COL5A2: variants seen among roughly 807,000 people sequenced by gnomAD.
The protein encoded by COL5A2 is collagen type V alpha 2 chain, also known as collagen alpha-2(V) chain.
Under a neutral mutation model 208.2 loss-of-function variants are expected in COL5A2, and 23 were observed. The ratio of observed to expected loss-of-function variants is 0.11; its 90% CI spans 0.08 to 0.16. The LOEUF is 0.16. Among genes scored for constraint, COL5A2 ranks in the 10% least tolerant of loss-of-function variants. The pLI is 1.00. For missense variants in COL5A2, 1,590 were observed against 1,956.4 expected (o/e 0.81, Z 3.53); for synonymous variants, 625 against 628.5 (o/e 0.99, Z 0.08).
chr2:189,077,847 G>A (rs1323170818), intron 16 of COL5A2, among the ~76,000 whole-genome samples: 1 of 152,120 alleles, frequency 6.6e-6, no homozygotes, highest in Non-Finnish European at 1.5e-5. Context: ...TGAAATAATA[G>A]AGGAAAGGTG....
chr2:189,354,274 T>G, the COL5A2 span, among the ~76,000 whole-genome samples: 4 of 152,214 alleles, frequency 2.6e-5, no homozygotes, highest in African/African-American at 9.7e-5. Flanking sequence ...GGTTTTGCTA[T>G]TAGGATAATG....
intron 1 of COL5A2, among the ~76,000 whole-genome samples, chr2:189,127,231 G>A (rs1323949485): frequency 6.6e-6 from 1 of 152,056 alleles, no homozygotes; most frequent in Non-Finnish European, 1.5e-5. Flanking sequence ...TGGTTAAAAA[G>A]GGACAGGGTT....
intron 1 of COL5A2, among the ~76,000 whole-genome samples, chr2:189,140,742 C>T (rs1191638746): frequency 6.6e-6 from 1 of 151,970 alleles, no homozygotes; most frequent in Non-Finnish European, 1.5e-5. Context: ...AAAATAGTTT[C>T]TAGTATCAGA....
chr2:189,421,287 T>C, the COL5A2 span, among the ~76,000 whole-genome samples: 1 of 152,104 alleles, frequency 6.6e-6, no homozygotes, highest in Non-Finnish European at 1.5e-5. Context: ...AAGAGTAAGA[T>C]GGCAGAATAG....
chr2:189,098,772 C>T lies in COL5A2; in HGVS notation c.370-13G>A. On this transcript the variant is annotated splice_polypyrimidine_tract_variant and intron_variant, in intron 4 of 53. Transcript: ENST00000374866. ...GTATGCCTGTTACCTAAACAATAAA[C>T]AAGAAAATTTGTAAAGGTAAAGTTT... The T allele has an allele frequency of 6.2e-7, 1 of 1,610,828 alleles. No homozygotes were observed. The highest frequency in any genetic ancestry group is 8.5e-7 in the Non-Finnish European group (1 of 1,177,384).
the COL5A2 span, among the ~76,000 whole-genome samples, chr2:189,275,817 G>T: frequency 1.6e-4 from 25 of 152,154 alleles, no homozygotes; most frequent in Non-Finnish European, 3.5e-4. Flanking sequence ...TGGAATTAAT[G>T]CTATTATCCA....
At chr2:189,316,533 T>A in the COL5A2 span, among the ~76,000 whole-genome samples, 1 of 151,892 alleles carries the variant, frequency 6.6e-6, no homozygotes, top group Non-Finnish European at 1.5e-5. Context: ...AAGTGGGAAC[T>A]AAATGATGAG....
At chr2:189,340,805 C>T in the COL5A2 span, among the ~76,000 whole-genome samples, 2 of 152,134 alleles carry the variant, frequency 1.3e-5, no homozygotes, top group African/African-American at 4.8e-5. Context: ...GTGTCAGTGC[C>T]ATTTGCAGAC....
At chr2:189,401,067 T>G in the COL5A2 span, among the ~76,000 whole-genome samples, 1 of 151,786 alleles carries the variant, frequency 6.6e-6, no homozygotes, top group East Asian at 1.9e-4. Flanking sequence ...TTTCCAACTT[T>G]TATTTTTAAG....
At chr2:189,338,269 AC>A in the COL5A2 span, among the ~76,000 whole-genome samples, 2 of 152,032 alleles carry the variant, frequency 1.3e-5, no homozygotes, top group Non-Finnish European at 2.9e-5. Flanking sequence ...CACCTTTGCC[AC>A]CCAGTTCAAT....
intron 1 of COL5A2, among the ~76,000 whole-genome samples, chr2:189,205,025 T>C (rs1689125883): frequency 6.6e-6 from 1 of 152,316 alleles, no homozygotes; most frequent in South Asian, 2.1e-4. Context: ...AACACCGTTA[T>C]CCTAACAACA....
At chr2:189,148,211 T>A (rs897708194) in intron 1 of COL5A2, among the ~76,000 whole-genome samples, 6 of 152,086 alleles carry the variant, frequency 3.9e-5, no homozygotes, top group African/African-American at 9.7e-5. Context: ...AGTCATACTT[T>A]GAGATAGCCA....
At chr2:189,217,861 G>A (rs1689298781) in intron 1 of COL5A2, among the ~76,000 whole-genome samples, 1 of 152,088 alleles carries the variant, frequency 6.6e-6, no homozygotes, top group Admixed American at 6.6e-5. Context: ...GAGGTGTCCC[G>A]CAGAGTTCAT....
chr2:189,405,206 T>C, the COL5A2 span, among the ~76,000 whole-genome samples: 4 of 150,078 alleles, frequency 2.7e-5, no homozygotes, highest in African/African-American at 7.3e-5. Flanking sequence ...ATAGTGACAT[T>C]AGATATTTAT....
chr2:189,212,636 C>A (rs1176025356), intron 1 of COL5A2, among the ~76,000 whole-genome samples: 9 of 138,886 alleles, frequency 6.5e-5, no homozygotes, highest in African/African-American at 2.7e-4. Flanking sequence ...AAGACTCAGT[C>A]TCAAAAAAAA....
intron 16 of COL5A2, among the ~76,000 whole-genome samples, chr2:189,077,255 C>A (rs555245008): frequency 6.6e-6 from 1 of 152,056 alleles, no homozygotes; most frequent in Non-Finnish European, 1.5e-5. Flanking sequence ...TAACACTACT[C>A]CTGATTTTTT....
chr2:189,396,201 TCAGA>T, the COL5A2 span, among the ~76,000 whole-genome samples: 1 of 152,196 alleles, frequency 6.6e-6, no homozygotes, highest in Admixed American at 6.6e-5. Context: ...GTGTGTGATC[TCAGA>T]CAAATTACTT....
At chr2:189,298,814 A>G in the COL5A2 span, among the ~76,000 whole-genome samples, 1 of 152,166 alleles carries the variant, frequency 6.6e-6, no homozygotes, top group African/African-American at 2.4e-5. Context: ...TATCTAACAC[A>G]ATCACTGCAT....
At chr2:189,100,455 G>A (rs1687025849) in intron 3 of COL5A2, among the ~76,000 whole-genome samples, 1 of 151,882 alleles carries the variant, frequency 6.6e-6, no homozygotes, top group African/African-American at 2.4e-5. Flanking sequence ...AAGATGTAAA[G>A]ACAAAGCACC....
Sources: gnomAD v4.1 joint callset for allele counts (sites outside exome capture counted in the v4.1 genomes callset) on GRCh38, gnomAD v4.1.1 for gene constraint, MANE v1.5 for transcripts, NCBI Gene and HGNC (gene_info 2026-07-23, HGNC 2026-07-21) for gene names.